Variants in CEP192 observed in about 807,000 individuals in gnomAD.
The protein encoded by CEP192 is centrosomal protein of 192 kDa.
A neutral mutation model predicts 271.8 loss-of-function variants in CEP192; 151 were observed. The observed-to-expected ratio is 0.56, with a 90% confidence interval of 0.49 to 0.64. The LOEUF is 0.64. CEP192 is among the 30% of genes least tolerant of loss of function. CEP192 has a pLI of 0.00. For missense variants in CEP192, 2,910 were observed against 3,020.5 expected, an observed-to-expected ratio of 0.96 and a Z score of 0.86; for synonymous variants, 995 against 1,076.5, an observed-to-expected ratio of 0.92 and a Z score of 1.48.
chr18:13,098,804 G>A (rs978928493), intron 36 of CEP192, among the ~76,000 whole-genome samples: 7 of 152,104 alleles, frequency 4.6e-5, no homozygotes, highest in South Asian at 2.1e-4. Context: ...CTGCAGTCTC[G>A]GCACTTTGAG....
chr18:13,116,866 C>T (rs918973087), intron 43 of CEP192, among the ~76,000 whole-genome samples: 1 of 152,172 alleles, frequency 6.6e-6, no homozygotes, highest in African/African-American at 2.4e-5. Context: ...GCCTCGGCCT[C>T]CCAAAGTGCT....
chr18:13,096,666 T>C (rs1460909082), intron 36 of CEP192, among the ~76,000 whole-genome samples: 3 of 152,220 alleles, frequency 2.0e-5, no homozygotes, highest in Non-Finnish European at 4.4e-5. Flanking sequence ...GGTCGCGATG[T>C]GTCCCGAGCC....
At chr18:13,041,414 TATC>T (rs1299034598) in intron 14 of CEP192, among the ~76,000 whole-genome samples, 1 of 152,190 alleles carries the variant, frequency 6.6e-6, no homozygotes, top group Admixed American at 6.5e-5. Context: ...TTGTGCTACA[TATC>T]ATATAAAGTT....
At chr18:13,110,442 T>TC (rs1172264124) in intron 40 of CEP192, among the ~76,000 whole-genome samples, 2 of 152,260 alleles carry the variant, frequency 1.3e-5, no homozygotes, top group East Asian at 3.9e-4. Context: ...TTTTTTTTTT[T>TC]TTTAATAAGG....
In CEP192 at chr18:13,100,394, A is replaced by C; in HGVS notation, c.6753A>C (p.Pro2251=). The C allele has an allele frequency of 6.2e-7, 1 of 1,614,046 alleles. No homozygotes were observed. Among genetic ancestry groups the C allele is most frequent in the Non-Finnish European group, 8.5e-7 (1 of 1,179,888 alleles). The part of the protein sequence containing the change: ...LTSKPFGILS[P]VSEPSVSHLV... ...CCAAACCATTTGGAATTCTTTCCCCAGTATCTGAGCCTTCAGTTAGTCATT... is the reference window on the plus strand; with the variant it reads ...CCAAACCATTTGGAATTCTTTCCCCCGTATCTGAGCCTTCAGTTAGTCATT... The change falls in exon 38 of 45, where the codon CCA becomes CCC. Residue 2251 remains proline (P), a synonymous_variant. Coordinates refer to ENST00000506447, the MANE Select transcript of CEP192 (RefSeq NM_032142.4).
At position 13,056,066 on chromosome 18, in the gene CEP192, C is replaced by G. The variant is rs61739695; in HGVS notation, c.3476C>G (p.Pro1159Arg). Residue 1159 changes from proline (P) to arginine (R), a missense_variant, in exon 19 of 45, where the codon CCT (proline) becomes CGT (arginine). Transcript: ENST00000506447. The stretch of plus-strand genomic sequence containing the variant: ...AGTGAGGTAGGTTGGACATCAAACC[C>G]TGAGGAATTGGACCCGATCAGGCTG... ...ETSEVGWTSN[P>R]EELDPIRLAL... 1.8e-3 allele frequency: 2,887 copies of G among 1,614,118 alleles called. 45 individuals carry two copies. The African/African-American group carries it at 0.034, about 19-fold the overall frequency.
At chr18:13,104,645 A>G (rs2039869454) in intron 39 of CEP192, among the ~76,000 whole-genome samples, 1 of 152,186 alleles carries the variant, frequency 6.6e-6, no homozygotes, top group Admixed American at 6.5e-5. Flanking sequence ...AAAAACTGGT[A>G]TTGCATAAGT....
rs1253552197 is a variant in CEP192 at position 13,068,909 on chromosome 18, C to CAA, written c.4882_4883dup (p.Asn1628LysfsTer10). 1 of 1,614,136 alleles carries CAA rather than the reference C, an allele frequency of 6.2e-7. No homozygotes were observed. Among genetic ancestry groups the CAA allele is most frequent in the East Asian group, 2.2e-5 (1 of 44,886 alleles). ...AAAGTTGATATCGAAGTTGACAGCC[C>CAA]AAACCCTACGCCCGTTCTTAGAAGT... On this transcript the variant is annotated frameshift_variant, in exon 25 of 45. Transcript: ENST00000506447. LOFTEE classifies it high-confidence loss of function.
intron 14 of CEP192, among the ~76,000 whole-genome samples, 173 bp downstream of exon 14, chr18:13,041,129 C>T (rs562880557): frequency 1.3e-5 from 2 of 152,000 alleles, no homozygotes; most frequent in Admixed American, 1.3e-4. Flanking sequence ...CCTTTTCAAT[C>T]TAAAGTGGAA....
At position 13,113,776 on chromosome 18, in the gene CEP192, A is replaced by C. The variant is rs552661678; in HGVS notation, c.7167+71A>C. On this transcript the variant is annotated intron_variant, in intron 41 of 44. Coordinates refer to ENST00000506447, the MANE Select transcript of CEP192 (RefSeq NM_032142.4). Reference sequence around the variant, plus strand: ...AAACAGAAAGGGAAATTAATAAGAAAAGTTGGCCTGAAAATGCAGAATATA... The same window carrying C: ...AAACAGAAAGGGAAATTAATAAGAACAGTTGGCCTGAAAATGCAGAATATA... 7.8e-6 allele frequency: 11 copies of C among 1,412,380 alleles called. No homozygotes were observed. In the African/African-American group the frequency reaches 1.3e-4, roughly 17 times the overall value. 87.5% of individuals were successfully genotyped at this position (1,412,380 alleles called of 1,614,324 possible).
chr18:13,110,979 C>A (rs1360711433), intron 40 of CEP192, among the ~76,000 whole-genome samples: 1 of 152,182 alleles, frequency 6.6e-6, no homozygotes, highest in Non-Finnish European at 1.5e-5. Flanking sequence ...TGTGCTCACC[C>A]ACATTAGGGT....
chr18:12,993,999 A>G (rs375147577), intron 1 of CEP192, among the ~76,000 whole-genome samples: 1 of 152,322 alleles, frequency 6.6e-6, no homozygotes, highest in African/African-American at 2.4e-5. Context: ...TTCTAAATTT[A>G]TAGGGGTTAA....
intron 44 of CEP192, among the ~76,000 whole-genome samples, chr18:13,118,532 G>A (rs2145136255): frequency 6.6e-6 from 1 of 152,176 alleles, no homozygotes; most frequent in East Asian, 1.9e-4. Context: ...TTCTCCTATG[G>A]ACTATAAAAT....
chr18:13,096,233 GT>G lies in CEP192; in HGVS notation c.6485del (p.Leu2162TyrfsTer2). On this transcript the variant is annotated frameshift_variant, in exon 36 of 45. Coordinates refer to ENST00000506447, the MANE Select transcript of CEP192 (RefSeq NM_032142.4). LOFTEE classifies it high-confidence loss of function. ...TCCAGATTGTGAATAACTCTGTGAG[GT>G]TACTGAGATTTGAGCTGTGCTGGCC... ...RFQIVNNSVR[L>X]LRFELCWPAH... 6.2e-7 allele frequency: 1 copy of G among 1,614,186 alleles called. No individual in the cohort carries two copies. Among genetic ancestry groups the G allele is most frequent in the African/African-American group, 1.3e-5 (1 of 75,046 alleles).
rs1325972216 is a variant in CEP192, at chr18:13,103,581, A to C, written c.6944A>C (p.Tyr2315Ser). The C allele has an allele frequency of 6.8e-6, 11 of 1,612,214 alleles. No individual in the cohort carries two copies. Among genetic ancestry groups the C allele is most frequent in the Non-Finnish European group, 5.1e-6 (6 of 1,178,266 alleles). ...CATCTGTCATCTTTAGCGCCACCTT[A>C]TGTCAAGGTCAGTCATGACTGCCTC... is the stretch of plus-strand genomic sequence containing the variant. ...KWHLSSLAPPYVKGVDESGDV... is the reference protein window; with the variant it reads ...KWHLSSLAPPSVKGVDESGDV... Residue 2315 changes from tyrosine to serine, a missense_variant, in exon 39 of 45, where the codon TAT becomes TCT. By Grantham distance (144) the Tyr-to-Ser change is moderately radical. Coordinates refer to ENST00000506447, the MANE Select transcript of CEP192 (RefSeq NM_032142.4).
chr18:13,002,570 C>T (rs983714603), intron 3 of CEP192, among the ~76,000 whole-genome samples: 2 of 152,148 alleles, frequency 1.3e-5, no homozygotes, highest in Non-Finnish European at 2.9e-5. Flanking sequence ...AAGACCATTA[C>T]AAATTAACAC....
chr18:13,117,516 T>G (rs1416403929), intron 43 of CEP192, 69 bp from the exon 44 acceptor site: 15 of 1,096,780 alleles, frequency 1.4e-5, no homozygotes, highest in Non-Finnish European at 1.9e-5. Context: ...AATAAATGCT[T>G]GGTATGCTTA....
chr18:13,014,419 G>C (rs2034528834), intron 5 of CEP192, among the ~76,000 whole-genome samples: 2 of 152,098 alleles, frequency 1.3e-5, no homozygotes. Context: ...CACTTTATCA[G>C]AATGGAGACA....
chr18:13,004,456 G>T (rs2033856455), intron 3 of CEP192, among the ~76,000 whole-genome samples: 1 of 152,162 alleles, frequency 6.6e-6, no homozygotes, highest in Admixed American at 6.5e-5. Context: ...TGCAGTGCGG[G>T]GAGTGGCTTT....
Sources: allele counts gnomAD v4.1 joint callset (sites outside exome capture counted in the v4.1 genomes callset), GRCh38; gene constraint gnomAD v4.1.1; transcripts MANE v1.5; gene names NCBI Gene and HGNC (gene_info 2026-07-23, HGNC 2026-07-21).